Variants in ADGRD1 observed in about 807,000 individuals in gnomAD.
ADGRD1 encodes G-protein coupled receptor 133.
In ADGRD1, 77 loss-of-function variants were observed where a neutral mutation model predicts 113.4. The ratio of observed to expected loss-of-function variants is 0.68; its 90% confidence interval spans 0.57 to 0.82. The LOEUF (loss-of-function observed/expected upper bound fraction) is 0.82. ADGRD1 is among the 40% of genes least tolerant of loss of function. The pLI is 0.00. For synonymous variants in ADGRD1, 474 were observed against 475.0 expected (o/e 1.00, Z 0.03); for missense variants, 1,036 against 1,139.1 (o/e 0.91, Z 1.30).
At chr12:131,011,745 G>A (rs1052390887) in intron 12 of ADGRD1, among the ~76,000 whole-genome samples, 1 of 152,248 alleles carries the variant, frequency 6.6e-6, no homozygotes, top group African/African-American at 2.4e-5. Flanking sequence ...CTAGCAACGT[G>A]GTTTTTCCAG....
intron 18 of ADGRD1, among the ~76,000 whole-genome samples, chr12:131,109,269 A>G (rs1372124611): frequency 6.6e-6 from 1 of 151,884 alleles, no homozygotes; most frequent in Admixed American, 6.6e-5. Context: ...TTCTGCTTCA[A>G]TCTTCATTAT....
At position 131,021,386 on chromosome 12, in the gene ADGRD1, C is replaced by T. The variant is rs144671917; in HGVS notation, c.1473+7046C>T. On this transcript the variant is annotated intron_variant, in intron 13 of 24. Coordinates refer to ENST00000261654, the MANE Select transcript of ADGRD1 (RefSeq NM_198827.5). The stretch of plus-strand genomic sequence containing the variant: ...TGTCTCCCATGACTTTGACACTTCG[C>T]GGCGGCCGGCCGGTGCTTTGTGGAG... 8.8e-3 allele frequency among the ~76,000 whole-genome samples: 1,332 copies of T among 152,226 alleles called. 18 individuals are homozygous for T. The highest frequency in any genetic ancestry group is 0.027 in the Middle Eastern group (8 of 294).
At chr12:130,974,207 A>T (rs1453531523) in intron 4 of ADGRD1, among the ~76,000 whole-genome samples, 1 of 152,208 alleles carries the variant, frequency 6.6e-6, no homozygotes, top group East Asian at 1.9e-4. Flanking sequence ...CGGGAAAACA[A>T]GCCGTGAACA....
intron 8 of ADGRD1, chr12:130,994,342 C>A (rs1235931954): frequency 5.0e-6 from 2 of 400,810 alleles, no homozygotes; most frequent in South Asian, 1.8e-5. Context: ...GCAGGCGGTG[C>A]CTTCTATGCA....
rs1397162186 is a variant in ADGRD1 at position 131,104,829 on chromosome 12, A to G, written c.1672-2A>G. ...CTGACGCCTCTGCTCTGCTCCCCGC[A>G]GCTTGCACGCGGACACCAGGTGGCG... On this transcript the variant is annotated splice_acceptor_variant, in intron 15 of 24. Coordinates refer to ENST00000261654, the MANE Select transcript of ADGRD1 (RefSeq NM_198827.5). LOFTEE classifies it high-confidence loss of function. 6.5e-7 allele frequency: 1 copy of G among 1,545,640 alleles called. No individual in the cohort carries two copies. Among genetic ancestry groups the G allele is most frequent in the Non-Finnish European group, 8.7e-7 (1 of 1,146,012 alleles).
At position 130,954,277 on chromosome 12, in the gene ADGRD1, G is replaced by C. The variant is rs1295670242; in HGVS notation, c.-189G>C. ...TGATCACTGAAGAATCTCAAGTTTT[G>C]AGACGAGGAAGAAACACCCATTAGG... On this transcript the variant is annotated 5_prime_UTR_variant, in exon 1 of 25. Transcript: ENST00000261654. The surrounding 1 kb of genome is among the most constrained non-coding windows in gnomAD (Gnocchi z 4.7). The C allele has an allele frequency of 1.9e-6, 1 of 516,140 alleles. No homozygotes were observed. The highest frequency in any genetic ancestry group is 3.4e-6 in the Non-Finnish European group (1 of 295,800). 32.0% of individuals were successfully genotyped at this position (516,140 alleles called of 1,614,324 possible). A position where few individuals can be genotyped will look rare whatever the true frequency, so the allele number is the denominator to read the frequency against.
intron 13 of ADGRD1, among the ~76,000 whole-genome samples, chr12:131,064,786 A>T (rs1230663404): frequency 6.6e-6 from 1 of 152,152 alleles, no homozygotes; most frequent in Non-Finnish European, 1.5e-5. Context: ...CCACTCTCAT[A>T]TGTTGTTTTA....
intron 14 of ADGRD1, among the ~76,000 whole-genome samples, chr12:131,083,026 G>A (rs566438767): frequency 1.1e-4 from 16 of 152,326 alleles, no homozygotes; most frequent in Admixed American, 2.6e-4. Context: ...CTGCTGGTGC[G>A]TGTTCCATCT....
chr12:131,040,081 A>C (rs1177773782), intron 13 of ADGRD1, among the ~76,000 whole-genome samples: 1 of 152,190 alleles, frequency 6.6e-6, no homozygotes, highest in Admixed American at 6.5e-5. Context: ...CGGCCCCTGT[A>C]GGAGCCTGAG....
At chr12:130,972,874 T>C (rs1413016878) in intron 4 of ADGRD1, among the ~76,000 whole-genome samples, 1 of 152,004 alleles carries the variant, frequency 6.6e-6, no homozygotes, top group Non-Finnish European at 1.5e-5. Context: ...CCTGGGACTA[T>C]CACAGATAAT....
chr12:130,961,877 C>T (rs1044229755), intron 2 of ADGRD1, among the ~76,000 whole-genome samples: 2 of 152,210 alleles, frequency 1.3e-5, no homozygotes, highest in African/African-American at 4.8e-5. Flanking sequence ...GAAGACCTGA[C>T]AATCCTGGGC....
At chr12:130,973,446 T>A (rs180902529) in intron 4 of ADGRD1, 1 of 152,382 alleles carries the variant, frequency 6.6e-6, no homozygotes, top group Admixed American at 6.5e-5. Flanking sequence ...TTTGGGTTTA[T>A]CGCTCATGTG....
intron 9 of ADGRD1, chr12:131,002,377 A>AC: frequency 7.2e-6 from 2 of 276,582 alleles, no homozygotes; most frequent in Non-Finnish European, 1.1e-5. Context: ...AAATCAGGCT[A>AC]TGGGCCTAAA....
intron 14 of ADGRD1, among the ~76,000 whole-genome samples, chr12:131,078,633 C>G (rs1202100915): frequency 6.6e-6 from 1 of 152,068 alleles, no homozygotes; most frequent in Non-Finnish European, 1.5e-5. Flanking sequence ...TAGAAAAGTA[C>G]GGAGAATAAT....
chr12:131,104,190 A>T (rs937967182), intron 15 of ADGRD1, among the ~76,000 whole-genome samples: 3 of 152,144 alleles, frequency 2.0e-5, no homozygotes, highest in Admixed American at 6.5e-5. Flanking sequence ...CACAGTGTGC[A>T]GGCGGCAGCC....
rs1195896 is a variant in ADGRD1 at position 131,022,880 on chromosome 12, A to T, written c.1473+8540A>T. 1.6e-4 allele frequency: 24 copies of T among 151,188 alleles called. No individual in the cohort carries two copies. The highest frequency in any genetic ancestry group is 5.8e-4 in the African/African-American group (24 of 41,194). The allele number at this position is 151,188 out of a possible 1,614,324, so 9.4% of individuals were successfully genotyped here. A position where few individuals can be genotyped will look rare whatever the true frequency, so the allele number is the denominator to read the frequency against. Reference sequence around the variant, plus strand: ...TGTGTGTGCTCTCAGAAGCACACGCATGCACCTGCATCTTCCTGCATTTTT... The same window carrying T: ...TGTGTGTGCTCTCAGAAGCACACGCTTGCACCTGCATCTTCCTGCATTTTT... On this transcript the variant is annotated intron_variant, in intron 13 of 24. Transcript: ENST00000261654. This position sits in a 1 kb window ranked among gnomAD's most constrained non-coding sequence, Gnocchi z 4.6.
chr12:130,991,084 C>G lies in ADGRD1; in HGVS notation c.810+6C>G. On this transcript the variant is annotated splice_donor_region_variant and intron_variant, in intron 7 of 24. Transcript: ENST00000261654. ...CATCCACAGCAAGCCCCGTGGTGAG[C>G]AGACACATCTTCCTTGGTCCCCCTT... 1 of 1,612,314 alleles carries G rather than the reference C, an allele frequency of 6.2e-7. No individual in the cohort carries two copies. Among genetic ancestry groups the G allele is most frequent in the Non-Finnish European group, 8.5e-7 (1 of 1,178,424 alleles).
chr12:130,987,626 G>A, intron 6 of ADGRD1: 2 of 491,036 alleles, frequency 4.1e-6, no homozygotes, highest in South Asian at 2.3e-5. Context: ...GAAGGCTTTG[G>A]AGAGCAAGTA....
intron 21 of ADGRD1, among the ~76,000 whole-genome samples, chr12:131,134,793 ATCAT>A (rs374557019): frequency 3.9e-5 from 6 of 152,164 alleles, no homozygotes; most frequent in South Asian, 2.1e-4. Context: ...CCACTTGTTC[ATCAT>A]TCATTCATTC....
Sources: gnomAD v4.1 joint callset for allele counts (sites outside exome capture counted in the v4.1 genomes callset) on GRCh38, gnomAD v4.1.1 for gene constraint, Gnocchi (gnomAD v3.1) non-coding constraint, MANE v1.5 for transcripts, NCBI Gene and HGNC (gene_info 2026-07-23, HGNC 2026-07-21) for gene names.